The following RBFOX1 variants were observed in gnomAD, a reference collection of about 807,000 sequenced individuals.
The protein encoded by RBFOX1 is RNA binding protein fox-1 homolog 1.
In RBFOX1, 8 loss-of-function variants were observed where a neutral mutation model predicts 57.7. The observed-to-expected ratio is 0.14, with a 90% CI of 0.08 to 0.25. The LOEUF (loss-of-function observed/expected upper bound fraction) is 0.25, where lower values mean the gene tolerates loss of function less well. Ranked by LOEUF, RBFOX1 falls within the 10% of genes least tolerant of loss-of-function variation. The pLI is 1.00. For missense variants in RBFOX1, 611 were observed against 548.5 expected (o/e 1.11, Z -1.14); for synonymous variants, 326 against 222.4 (o/e 1.47, Z -4.15).
intron 3 of RBFOX1, among the ~76,000 whole-genome samples, chr16:6,995,293 TGTGTGTGTG>T (rs2092088354): frequency 1.0e-5 from 1 of 98,122 alleles, no homozygotes; most frequent in Non-Finnish European, 2.1e-5. Context: ...AGTAGCCTTG[TGTGTGTGTG>T]TGTGTGTGTG....
At chr16:7,332,817 C>T (rs1481160130) in intron 4 of RBFOX1, 3 of 1,406,856 alleles carry the variant, frequency 2.1e-6, no homozygotes, top group Non-Finnish European at 2.8e-6. Flanking sequence ...AGAAAACTTT[C>T]ACATTAAGAG....
intron 4 of RBFOX1, among the ~76,000 whole-genome samples, chr16:7,184,280 G>T (rs2083288518): frequency 6.6e-6 from 1 of 152,154 alleles, no homozygotes; most frequent in Admixed American, 6.5e-5. Context: ...AGGACAATAG[G>T]AAGCTGTGGA....
intron 3 of RBFOX1, among the ~76,000 whole-genome samples, chr16:5,615,280 C>A (rs1191637429): frequency 6.6e-6 from 1 of 152,182 alleles, no homozygotes; most frequent in East Asian, 1.9e-4. Context: ...ATCCTCCTGC[C>A]TTGGCCTCCC....
intron 2 of RBFOX1, among the ~76,000 whole-genome samples, chr16:6,477,348 T>A (rs2095289648): frequency 6.6e-6 from 1 of 152,214 alleles, no homozygotes; most frequent in African/African-American, 2.4e-5. Flanking sequence ...TCAAAATTAT[T>A]CCTTGATCCA....
intron 1 of RBFOX1, among the ~76,000 whole-genome samples, chr16:6,139,718 T>G (rs924246906): frequency 6.6e-6 from 1 of 152,242 alleles, no homozygotes; most frequent in African/African-American, 2.4e-5. Context: ...CTTGCTCTCT[T>G]CCTCACTCTT....
At chr16:6,186,733 T>C (rs568005717) in intron 1 of RBFOX1, among the ~76,000 whole-genome samples, 7 of 152,206 alleles carry the variant, frequency 4.6e-5, no homozygotes, top group African/African-American at 1.7e-4. Context: ...ACGTTGACCT[T>C]GCCTCTAGGA....
intron 1 of RBFOX1, among the ~76,000 whole-genome samples, chr16:6,308,936 C>T (rs575444817): frequency 2.0e-5 from 3 of 151,910 alleles, no homozygotes; most frequent in African/African-American, 4.8e-5. Flanking sequence ...GTGCCTTGTC[C>T]GAGCCTGGCC....
chr16:5,852,744 C>T (rs1173723263), intron 3 of RBFOX1, among the ~76,000 whole-genome samples: 1 of 152,060 alleles, frequency 6.6e-6, no homozygotes, highest in Non-Finnish European at 1.5e-5. Flanking sequence ...GCGGGAGGAT[C>T]ACTTGAGCCC....
chr16:6,810,911 G>A (rs2088369900), intron 3 of RBFOX1, among the ~76,000 whole-genome samples: 1 of 152,070 alleles, frequency 6.6e-6, no homozygotes, highest in Admixed American at 6.6e-5. Context: ...GGGTGGAGAC[G>A]GAGCCAAATC....
In RBFOX1 at chr16:7,031,421, C is replaced by T. The variant is rs144663097; in HGVS notation, c.-15-20636C>T. Among the ~76,000 whole-genome samples the T allele has an allele frequency of 5.3e-3, 811 of 152,056 alleles. 10 individuals are homozygous for T. Among genetic ancestry groups the T allele is most frequent in the East Asian group, 0.024 (125 of 5,138 alleles). The stretch of plus-strand genomic sequence containing the variant: ...GACCAGCCTGGCTAACATGGTGAAA[C>T]CCCGTCTCTACTAAAAATACAAAAA... On this transcript the variant is annotated intron_variant, in intron 3 of 15. Transcript: ENST00000550418.
chr16:6,324,725 A>G (rs1362475912), intron 2 of RBFOX1, among the ~76,000 whole-genome samples: 1 of 152,208 alleles, frequency 6.6e-6, no homozygotes, highest in African/African-American at 2.4e-5. Flanking sequence ...GTGAGGACAC[A>G]TGCTCTATAT....
chr16:6,627,102 A>G (rs79425954), intron 2 of RBFOX1, among the ~76,000 whole-genome samples: 1 of 152,222 alleles, frequency 6.6e-6, no homozygotes, highest in Admixed American at 6.5e-5. Flanking sequence ...GCCGCTGAAC[A>G]CAAAGTCCTA....
chr16:5,382,129 C>A (rs2066145778), intron 1 of RBFOX1, among the ~76,000 whole-genome samples: 1 of 152,186 alleles, frequency 6.6e-6, no homozygotes, highest in South Asian at 2.1e-4. Flanking sequence ...TCCAATGGGG[C>A]AGTCTGTTTT....
intron 4 of RBFOX1, among the ~76,000 whole-genome samples, chr16:7,468,533 GTTA>G (rs2060951905): frequency 1.3e-5 from 2 of 148,188 alleles, no homozygotes; most frequent in Non-Finnish European, 3.0e-5. Context: ...TCTCTATGAA[GTTA>G]TTAACACTGA....
At chr16:7,206,972 C>T (rs901589579) in intron 4 of RBFOX1, among the ~76,000 whole-genome samples, 5 of 152,194 alleles carry the variant, frequency 3.3e-5, no homozygotes, top group African/African-American at 9.6e-5. Flanking sequence ...CACAGAGCTT[C>T]ATGGCCTTTT....
At chr16:5,553,955 C>A (rs1480867968) in intron 2 of RBFOX1, among the ~76,000 whole-genome samples, 1 of 145,148 alleles carries the variant, frequency 6.9e-6, no homozygotes, top group African/African-American at 2.5e-5. Context: ...TCAATACTTT[C>A]TTATAACACG....
intron 3 of RBFOX1, among the ~76,000 whole-genome samples, chr16:6,673,741 A>G (rs2098782831): frequency 6.6e-6 from 1 of 152,226 alleles, no homozygotes; most frequent in South Asian, 2.1e-4. Flanking sequence ...AAAGGCAAGG[A>G]CAGAAATGTA....
At chr16:7,591,020 A>G (rs2094418306) in intron 7 of RBFOX1, among the ~76,000 whole-genome samples, 1 of 152,136 alleles carries the variant, frequency 6.6e-6, no homozygotes, top group Admixed American at 6.6e-5. Context: ...GACTAGGAAG[A>G]TGAGTGACTG....
At chr16:6,678,602 G>A (rs12149756) in intron 3 of RBFOX1, among the ~76,000 whole-genome samples, 34,536 of 149,446 alleles carry the variant, frequency 0.23, 4,275 homozygotes, top group East Asian at 0.34. Flanking sequence ...TTTTGACAGC[G>A]GATTGCATAC....
Sources: allele counts gnomAD v4.1 joint callset (sites outside exome capture counted in the v4.1 genomes callset), GRCh38; gene constraint gnomAD v4.1.1; transcripts MANE v1.5; gene names NCBI Gene and HGNC (gene_info 2026-07-23, HGNC 2026-07-21).